ITGA4: variants seen among roughly 807,000 people sequenced by gnomAD.
ITGA4 encodes the protein integrin subunit alpha 4.
A neutral mutation model predicts 133.6 loss-of-function variants in ITGA4; 63 were observed. That is an observed-to-expected ratio of 0.47 (90% CI 0.38 to 0.58). The LOEUF is 0.58. ITGA4 is among the 20% of genes least tolerant of loss of function. ITGA4 has a pLI of 0.00. For missense variants in ITGA4, 1,076 were observed against 1,252.7 expected, an observed-to-expected ratio of 0.86 and a Z score of 2.13; for synonymous variants, 483 against 438.0, an observed-to-expected ratio of 1.10 and a Z score of -1.28.
chr2:181,511,625 C>A, intron 16 of ITGA4, 74 bp from the exon 17 acceptor site: 2 of 753,272 alleles, frequency 2.7e-6, no homozygotes, highest in South Asian at 1.7e-5. Context: ...TCACAGGTGT[C>A]GTCATCTTTA....
At position 181,535,432 on chromosome 2, in the gene ITGA4, G is replaced by A. The variant is rs1687045690; in HGVS notation, c.3004G>A (p.Ala1002Thr). 7 of 1,602,564 alleles carry A rather than the reference G, an allele frequency of 4.4e-6. No individual in the cohort carries two copies. In the East Asian group the frequency reaches 1.6e-4, roughly 36 times the overall value. Residue 1002 changes from alanine (A) to threonine (T), a missense_variant and splice_region_variant, in exon 28 of 28, where the codon GCT becomes ACT. Coordinates refer to ENST00000397033, the MANE Select transcript of ITGA4 (RefSeq NM_000885.6). ...AGTGATTATGTTATGCTATTTTCAG[G>A]CTGGCTTCTTTAAAAGACAATACAA... ...LLLISYVMWK[A>T]GFFKRQYKSI...
chr2:181,522,128 C>T, intron 17 of ITGA4, 63 bp from the exon 18 acceptor site: 1 of 906,490 alleles, frequency 1.1e-6, no homozygotes, highest in Non-Finnish European at 1.7e-6. Context: ...TCCTTGTATG[C>T]ATATAAGAGA....
At chr2:181,492,554 GA>G (rs869168897) in intron 10 of ITGA4, among the ~76,000 whole-genome samples, 6 of 43,634 alleles carry the variant, frequency 1.4e-4, no homozygotes, top group African/African-American at 3.1e-4. Flanking sequence ...TGCAACTGTA[GA>G]ATATTATTTT....
At position 181,495,416 on chromosome 2, in the gene ITGA4, G is replaced by A; in HGVS notation, c.1385G>A (p.Arg462Lys). Residue 462 changes from arginine to lysine, a missense_variant and splice_region_variant, in exon 13 of 28, where the codon AGG becomes AAG. Physicochemically the swap from Arg to Lys is conservative, Grantham distance 26. Transcript: ENST00000397033. The surrounding 1 kb of genome is among the most constrained non-coding windows in gnomAD (Gnocchi z 4.3). ...CGGTCTGATTCTGCTGTCTTGCTAA[G>A]GTAAGACTGATATATTTCACTGCTT... Reference protein sequence around the residue: ...AFRSDSAVLLRTRPVVIVDAS... With the variant: ...AFRSDSAVLLKTRPVVIVDAS... 38 of 1,603,346 alleles carry A rather than the reference G, an allele frequency of 2.4e-5. No individual in the cohort carries two copies. Among genetic ancestry groups the A allele is most frequent in the Non-Finnish European group, 3.2e-5 (38 of 1,170,450 alleles).
intron 15 of ITGA4, among the ~76,000 whole-genome samples, chr2:181,506,818 G>A (rs1686404383): frequency 6.6e-6 from 1 of 152,038 alleles, no homozygotes; most frequent in Admixed American, 6.6e-5. Flanking sequence ...TAATGTTTAA[G>A]CCATATTGCA....
At chr2:181,513,309 A>G (rs981893465) in intron 17 of ITGA4, among the ~76,000 whole-genome samples, 9 of 151,982 alleles carry the variant, frequency 5.9e-5, no homozygotes, top group Non-Finnish European at 1.2e-4. Flanking sequence ...CCTATTAGAC[A>G]TGTCCTTTTG....
chr2:181,537,124 TAAA>T lies in ITGA4; in HGVS notation c.*1601_*1603del. The T allele has an allele frequency of 2.2e-6, 1 of 453,140 alleles. No homozygotes were observed. Among genetic ancestry groups the T allele is most frequent in the South Asian group, 1.6e-5 (1 of 64,324 alleles). The allele number at this position is 453,140 out of a possible 1,614,324, so 28.1% of individuals were successfully genotyped here. On this transcript the variant is annotated 3_prime_UTR_variant, in exon 28 of 28. Coordinates refer to ENST00000397033, the MANE Select transcript of ITGA4 (RefSeq NM_000885.6). ...AAACTTTATGACATTTATGTATTTT[TAAA>T]AAACTTTGTATCGTTATAAAAAGGC...
rs117477999 is a variant in ITGA4 at position 181,494,433 on chromosome 2, C to T, written c.1249-289C>T. On this transcript the variant is annotated intron_variant, in intron 11 of 27. Transcript: ENST00000397033. ...GCCAGCCCAGGTGCCATAGTGAGAC[C>T]CCCACCTCTAAAAGACTTGAGAGGG... 2.0e-4 allele frequency among the ~76,000 whole-genome samples: 30 copies of T among 152,176 alleles called. No individual in the cohort carries two copies. The East Asian group carries it at 5.4e-3, about 27-fold the overall frequency.
chr2:181,495,324 C>G lies in ITGA4; in HGVS notation c.1340-47C>G, dbSNP rs760544012. The G allele has an allele frequency of 4.1e-6, 6 of 1,453,378 alleles. No homozygotes were observed. The highest frequency in any genetic ancestry group is 2.3e-5 in the South Asian group (2 of 87,440). 90.0% of individuals were successfully genotyped at this position (1,453,378 alleles called of 1,614,324 possible). A position where few individuals can be genotyped will look rare whatever the true frequency, so the allele number is the denominator to read the frequency against. On this transcript the variant is annotated intron_variant, in intron 12 of 27. Transcript: ENST00000397033. The surrounding 1 kb of genome is among the most constrained non-coding windows in gnomAD (Gnocchi z 4.3). ...GTATTTATGGCTGAAAAATAATTCT[C>G]TTTGACTAATGATGATCATTAATCT...
At chr2:181,470,016 TAACA>T (rs925216342) in intron 2 of ITGA4, among the ~76,000 whole-genome samples, 3 of 151,916 alleles carry the variant, frequency 2.0e-5, no homozygotes, top group Non-Finnish European at 4.4e-5. Context: ...TATACATATG[TAACA>T]AACCTGCATG....
intron 2 of ITGA4, among the ~76,000 whole-genome samples, chr2:181,472,573 C>T (rs113930201): frequency 1.3e-4 from 20 of 152,160 alleles, no homozygotes; most frequent in Non-Finnish European, 2.5e-4. Flanking sequence ...TAGTAAATAA[C>T]AGGAACTTCA....
intron 15 of ITGA4, among the ~76,000 whole-genome samples, chr2:181,506,405 A>G (rs1173071079): frequency 2.0e-5 from 3 of 152,012 alleles, no homozygotes; most frequent in African/African-American, 4.8e-5. Context: ...TATTATTCCT[A>G]TTTTCAGATA....
At chr2:181,530,851 G>A (rs192310129) in intron 24 of ITGA4, among the ~76,000 whole-genome samples, 9 of 152,240 alleles carry the variant, frequency 5.9e-5, no homozygotes, top group African/African-American at 1.7e-4. Flanking sequence ...CATGTTGGCC[G>A]GGTGTGATGG....
intron 4 of ITGA4, among the ~76,000 whole-genome samples, chr2:181,475,616 T>C (rs1286736929): frequency 6.6e-6 from 1 of 152,216 alleles, no homozygotes; most frequent in African/African-American, 2.4e-5. Context: ...TGAAATTATA[T>C]TGGAAGTCTG....
intron 2 of ITGA4, among the ~76,000 whole-genome samples, chr2:181,474,597 GC>G: frequency 6.6e-6 from 1 of 152,292 alleles, no homozygotes; most frequent in Non-Finnish European, 1.5e-5. Context: ...TGATAATATT[GC>G]TTACGTTGTT....
chr2:181,508,211 T>G (rs910953777), intron 15 of ITGA4, among the ~76,000 whole-genome samples: 1 of 151,760 alleles, frequency 6.6e-6, no homozygotes, highest in Non-Finnish European at 1.5e-5. Flanking sequence ...AAAATCTGAT[T>G]ATTGAAAAAA....
At chr2:181,512,495 G>GA (rs1164151627) in intron 17 of ITGA4, among the ~76,000 whole-genome samples, 10 of 152,046 alleles carry the variant, frequency 6.6e-5, no homozygotes, top group African/African-American at 2.4e-4. Flanking sequence ...TTTCACAGAG[G>GA]AAAAAAATTA....
chr2:181,528,007 T>A (rs1686869537), intron 22 of ITGA4, among the ~76,000 whole-genome samples: 1 of 152,236 alleles, frequency 6.6e-6, no homozygotes, highest in African/African-American at 2.4e-5. Flanking sequence ...ATCAAAGATG[T>A]TGGTGATTAG....
chr2:181,466,018 C>T (rs1685403143), intron 2 of ITGA4, among the ~76,000 whole-genome samples: 1 of 152,050 alleles, frequency 6.6e-6, no homozygotes, highest in South Asian at 2.1e-4. Context: ...ACTAACTTTC[C>T]CTCTTTAAAT....
Sources: allele counts gnomAD v4.1 joint callset (sites outside exome capture counted in the v4.1 genomes callset), GRCh38; gene constraint gnomAD v4.1.1; non-coding constraint Gnocchi (gnomAD v3.1); transcripts MANE v1.5; gene names NCBI Gene and HGNC (gene_info 2026-07-23, HGNC 2026-07-21).